The following HSH2D variants were observed in gnomAD, a reference collection of about 807,000 sequenced individuals.
HSH2D encodes hematopoietic SH2 domain containing, also known as hematopoietic SH2 domain-containing protein.
HSH2D carries 16 observed loss-of-function variants against 21.5 expected under a neutral mutation model. The observed-to-expected ratio is 0.74, with a 90% CI of 0.50 to 1.13. The LOEUF (loss-of-function observed/expected upper bound fraction) is 1.13, where lower values mean the gene tolerates loss of function less well. Among genes scored for constraint, HSH2D ranks in the 50% most tolerant of loss-of-function variants. HSH2D has a pLI of 0.00. For synonymous variants in HSH2D, 172 were observed against 184.7 expected (o/e 0.93, Z 0.56); for missense variants, 418 against 441.4 (o/e 0.95, Z 0.47).
chr19:16,157,306 C>G lies in HSH2D; in HGVS notation c.571C>G (p.Pro191Ala), dbSNP rs776504637. Residue 191 changes from proline to alanine, a missense_variant, in exon 6 of 6, where the codon CCC (proline) becomes GCC (alanine). Physicochemically the swap from Pro to Ala is conservative, Grantham distance 27. Coordinates refer to ENST00000613986, the MANE Select transcript of HSH2D (RefSeq NM_001382417.1). The surrounding 1 kb of genome is among the most constrained non-coding windows in gnomAD (Gnocchi z 4.4). ...ITTKEATSSC[P>A]PKSPLGETRQ... ...CACCAAGGAAGCCACTTCCTCCTGC[C>G]CCCCAAAATCCCCTCTTGGAGAGAC... The G allele has an allele frequency of 6.2e-7, 1 of 1,612,614 alleles. No individual in the cohort carries two copies. The highest frequency in any genetic ancestry group is 1.1e-5 in the South Asian group (1 of 90,968).
chr19:16,154,376 T>C (rs1316238824), intron 4 of HSH2D, 23 bp from the exon 5 acceptor site: 1 of 1,520,666 alleles, frequency 6.6e-7, no homozygotes, highest in South Asian at 1.2e-5. Context: ...AGTGCTGAGC[T>C]ACAGGCCCCT....
At chr19:16,136,005 G>A (rs2090961403) in intron 1 of HSH2D, among the ~76,000 whole-genome samples, 1 of 152,046 alleles carries the variant, frequency 6.6e-6, no homozygotes, top group South Asian at 2.1e-4. Flanking sequence ...CAGCCTAGGG[G>A]GCAGCTCCCC....
At position 16,157,875 on chromosome 19, in the gene HSH2D, C is replaced by A. The variant is rs573129526; in HGVS notation, c.*81C>A. 7 of 1,053,984 alleles carry A rather than the reference C, an allele frequency of 6.6e-6. No individual in the cohort carries two copies. Among genetic ancestry groups the A allele is most frequent in the Admixed American group, 2.8e-5 (1 of 35,720 alleles). 65.3% of individuals were successfully genotyped at this position (1,053,984 alleles called of 1,614,324 possible). On this transcript the variant is annotated 3_prime_UTR_variant, in exon 6 of 6. Transcript: ENST00000613986. The surrounding 1 kb of genome is among the most constrained non-coding windows in gnomAD (Gnocchi z 4.4). ...ATGCCTTAACATTTCTTCCATGGCCCCACACCATGGCATCCGGGGGTCTTC... is the reference window on the plus strand; with the variant it reads ...ATGCCTTAACATTTCTTCCATGGCCACACACCATGGCATCCGGGGGTCTTC...
At chr19:16,154,264 T>C (rs1037355909) in intron 4 of HSH2D, 135 bp from the exon 5 acceptor site, 3 of 557,234 alleles carry the variant, frequency 5.4e-6, no homozygotes, top group African/African-American at 1.9e-5. Context: ...TATTTTCTTA[T>C]AACGCTTAGT....
intron 2 of HSH2D, chr19:16,151,474 C>A (rs892695525): frequency 2.2e-6 from 1 of 454,880 alleles, no homozygotes; most frequent in Non-Finnish European, 4.4e-6. Flanking sequence ...TTTACTCTCC[C>A]CTTGAGGAAG....
At position 16,157,901 on chromosome 19, in the gene HSH2D, G is replaced by A. The variant is rs1027112129; in HGVS notation, c.*107G>A. The A allele has an allele frequency of 1.4e-5, 11 of 765,164 alleles. No individual in the cohort carries two copies. Among genetic ancestry groups the A allele is most frequent in the East Asian group, 8.1e-5 (3 of 37,124 alleles). 47.4% of individuals were successfully genotyped at this position (765,164 alleles called of 1,614,324 possible). A position where few individuals can be genotyped will look rare whatever the true frequency, so the allele number is the denominator to read the frequency against. ...CACACCATGGCATCCGGGGGTCTTC[G>A]GGAACCCGGGAAATGGAATAAAGAT... On this transcript the variant is annotated 3_prime_UTR_variant, in exon 6 of 6. Transcript: ENST00000613986. This position sits in a 1 kb window ranked among gnomAD's most constrained non-coding sequence, Gnocchi z 4.4.
At chr19:16,156,524 T>G (rs1273873522) in intron 5 of HSH2D, among the ~76,000 whole-genome samples, 2 of 152,068 alleles carry the variant, frequency 1.3e-5, no homozygotes, top group Non-Finnish European at 2.9e-5. Context: ...CCTGTGAAAA[T>G]CAGATAAAAT....
chr19:16,134,137 T>C, exon 1 of HSH2D: 1 of 152,166 alleles, frequency 6.6e-6, no homozygotes, highest in Non-Finnish European at 1.5e-5. Flanking sequence ...GCATGCAGAG[T>C]GAAGTCCAGA....
chr19:16,142,270 A>T (rs1185859245), upstream of HSH2D, among the ~76,000 whole-genome samples: 1 of 152,118 alleles, frequency 6.6e-6, no homozygotes, highest in Non-Finnish European at 1.5e-5. Context: ...TCTACAAAAA[A>T]ATATACTCTT....
chr19:16,138,825 G>A (rs2090980892), upstream of HSH2D, among the ~76,000 whole-genome samples: 2 of 151,636 alleles, frequency 1.3e-5, no homozygotes, highest in South Asian at 4.2e-4. Context: ...TCTCCTCATA[G>A]ACTGTGGGCC....
rs1001752474 is a variant in HSH2D at position 16,151,975 on chromosome 19, C to T, written c.126-577C>T. 1.2e-3 allele frequency among the ~76,000 whole-genome samples: 172 copies of T among 148,180 alleles called. 1 individual carries two copies. The highest frequency in any genetic ancestry group is 4.2e-3 in the African/African-American group (169 of 40,492). ...AAAAAAAAAAAGTTGGGCATGGTGG[C>T]GGGCGCCTGTAATCCCCGCTACTCA... On this transcript the variant is annotated intron_variant, in intron 2 of 5. Coordinates refer to ENST00000613986, the MANE Select transcript of HSH2D (RefSeq NM_001382417.1).
chr19:16,143,145 T>C (rs139868294), upstream of HSH2D, among the ~76,000 whole-genome samples: 1,058 of 151,770 alleles, frequency 7.0e-3, 11 homozygotes, highest in African/African-American at 0.024. Context: ...AGTGCAATGG[T>C]GCGATCTCTG....
chr19:16,151,799 G>A (rs1281207552), intron 2 of HSH2D, among the ~76,000 whole-genome samples: 2 of 150,706 alleles, frequency 1.3e-5, no homozygotes, highest in Non-Finnish European at 3.0e-5. Context: ...AGATGGGTTT[G>A]GGGTGTTTGT....
chr19:16,147,798 G>A (rs10425817), intron 1 of HSH2D, among the ~76,000 whole-genome samples: 3,759 of 151,462 alleles, frequency 0.025, 163 homozygotes, highest in African/African-American at 0.085. Context: ...GGCACAGGCC[G>A]CTGTGCCCAG....
intron 1 of HSH2D, among the ~76,000 whole-genome samples, chr19:16,147,439 G>A (rs2091086696): frequency 6.7e-6 from 1 of 150,320 alleles, no homozygotes; most frequent in African/African-American, 2.4e-5. Context: ...AGCCAAGATG[G>A]GGCCACTGCA....
At chr19:16,142,960 G>A (rs1183661113), upstream of HSH2D, among the ~76,000 whole-genome samples, 2 of 150,416 alleles carry the variant, frequency 1.3e-5, no homozygotes, top group East Asian at 2.0e-4. Flanking sequence ...GTAGAGACAG[G>A]GTTTTACCAT....
chr19:16,148,079 C>T (rs548356372), intron 1 of HSH2D, among the ~76,000 whole-genome samples: 13 of 152,346 alleles, frequency 8.5e-5, no homozygotes, highest in African/African-American at 3.1e-4. Context: ...CCACCTCAGC[C>T]TCCTGAGTAG....
At chr19:16,139,441 G>T (rs1480397996), upstream of HSH2D, among the ~76,000 whole-genome samples, 4 of 152,256 alleles carry the variant, frequency 2.6e-5, no homozygotes, top group African/African-American at 9.6e-5. Context: ...AATTAACCGG[G>T]CATGGTGGTG....
chr19:16,148,113 C>A (rs2091097602), intron 1 of HSH2D, among the ~76,000 whole-genome samples: 1 of 152,098 alleles, frequency 6.6e-6, no homozygotes, highest in Admixed American at 6.6e-5. Flanking sequence ...CATGCACCAC[C>A]ACACCCAGCT....
Sources: allele counts gnomAD v4.1 joint callset (sites outside exome capture counted in the v4.1 genomes callset), GRCh38; gene constraint gnomAD v4.1.1; non-coding constraint Gnocchi (gnomAD v3.1); transcripts MANE v1.5; gene names NCBI Gene and HGNC (gene_info 2026-07-23, HGNC 2026-07-21).